NT5DC3: variants seen among roughly 807,000 people sequenced by gnomAD.
NT5DC3 encodes the protein 5'-nucleotidase domain containing 3.
NT5DC3 carries 42 observed loss-of-function variants against 67.8 expected under a neutral mutation model. The ratio of observed to expected loss-of-function variants is 0.62; its 90% confidence interval spans 0.48 to 0.80. NT5DC3 has a LOEUF of 0.80. Among genes scored for constraint, NT5DC3 ranks in the 30% least tolerant of loss-of-function variants. The pLI is 0.00. For synonymous variants in NT5DC3, 237 were observed against 255.6 expected, an observed-to-expected ratio of 0.93 and a Z score of 0.69; for missense variants, 570 against 696.4, an observed-to-expected ratio of 0.82 and a Z score of 2.04.
At chr12:103,764,172 C>T in the NT5DC3 span, among the ~76,000 whole-genome samples, 2 of 152,048 alleles carry the variant, frequency 1.3e-5, no homozygotes, top group Admixed American at 6.5e-5. Context: ...AGGCTGGTCT[C>T]GAACTCCCAA....
chr12:103,788,135 C>A (rs76823519), intron 10 of NT5DC3, among the ~76,000 whole-genome samples: 3,488 of 152,190 alleles, frequency 0.023, 137 homozygotes, highest in African/African-American at 0.079. Context: ...TCATATGACA[C>A]CAAAATATAT....
In NT5DC3 at chr12:103,788,805, A is replaced by C. The variant is rs565047580; in HGVS notation, c.1101+33T>G. ...AGCATTATTACCGACCACAAAGCAA[A>C]GCAACAAAAAGGATCAGCTGGTCAT... On this transcript the variant is annotated intron_variant, in intron 10 of 13. Transcript: ENST00000392876. The C allele has an allele frequency of 2.6e-5, 37 of 1,428,714 alleles. No individual in the cohort carries two copies. In the East Asian group the frequency reaches 7.7e-4, roughly 30 times the overall value. 88.5% of individuals were successfully genotyped at this position (1,428,714 alleles called of 1,614,324 possible). A position where few individuals can be genotyped will look rare whatever the true frequency, so the allele number is the denominator to read the frequency against.
At chr12:103,787,407 C>A in intron 11 of NT5DC3, 34 bp downstream of exon 11, 1 of 1,089,174 alleles carries the variant, frequency 9.2e-7, no homozygotes, top group Non-Finnish European at 1.3e-6. Context: ...ACTAACACAT[C>A]TGTCCCCCAA....
intron 10 of NT5DC3, among the ~76,000 whole-genome samples, chr12:103,788,560 C>T (rs1233382702): frequency 1.3e-5 from 2 of 152,018 alleles, no homozygotes; most frequent in Non-Finnish European, 2.9e-5. Context: ...AGAGAAATTT[C>T]CAAGGTTTAC....
chr12:103,790,439 C>T (rs1308322147), intron 9 of NT5DC3, among the ~76,000 whole-genome samples: 1 of 151,888 alleles, frequency 6.6e-6, no homozygotes, highest in East Asian at 1.9e-4. Flanking sequence ...CCATGACTGG[C>T]TAATTTTTGT....
rs555612838 is a variant in NT5DC3 at position 103,808,672 on chromosome 12, C to T, written c.394-1743G>A. On this transcript the variant is annotated intron_variant, in intron 2 of 13. Coordinates refer to ENST00000392876, the MANE Select transcript of NT5DC3 (RefSeq NM_001031701.3). ...CATGGGCGTTTCCAAGAATTGAGAACCCTGTGTATGGTCCTGCATTTTTGC... is the reference window on the plus strand; with the variant it reads ...CATGGGCGTTTCCAAGAATTGAGAATCCTGTGTATGGTCCTGCATTTTTGC... Among the ~76,000 whole-genome samples the T allele has an allele frequency of 1.4e-4, 21 of 152,312 alleles. No individual in the cohort carries two copies. In the South Asian group the frequency reaches 4.4e-3, roughly 32 times the overall value.
At chr12:103,778,600 T>C (rs1479287278) in intron 13 of NT5DC3, among the ~76,000 whole-genome samples, 6 of 151,924 alleles carry the variant, frequency 3.9e-5, no homozygotes, top group African/African-American at 1.5e-4. Flanking sequence ...ACTTGCGCCC[T>C]GGCCCACCAG....
chr12:103,781,129 C>T (rs1324121627), intron 12 of NT5DC3, among the ~76,000 whole-genome samples: 1 of 152,292 alleles, frequency 6.6e-6, no homozygotes, highest in East Asian at 1.9e-4. Flanking sequence ...AAGTCCCTCT[C>T]CAAGGTTCTT....
At chr12:103,749,872 A>AAAAAAAG in the NT5DC3 span, among the ~76,000 whole-genome samples, 7 of 131,478 alleles carry the variant, frequency 5.3e-5, no homozygotes, top group Admixed American at 1.6e-4. Flanking sequence ...AAAAAAAAAA[A>AAAAAAAG]GCTGGTAAGA....
At chr12:103,766,456 C>A, downstream of NT5DC3, 1 of 1,161,816 alleles carries the variant, frequency 8.6e-7, no homozygotes, top group Non-Finnish European at 1.2e-6. Flanking sequence ...AGCCATACCT[C>A]ATCTCTCTGG....
intron 1 of NT5DC3, among the ~76,000 whole-genome samples, chr12:103,817,855 CTTCT>C (rs1460337318): frequency 6.6e-6 from 1 of 152,188 alleles, no homozygotes; most frequent in African/African-American, 2.4e-5. Flanking sequence ...TTTCTACTCA[CTTCT>C]TTCTGACTAT....
chr12:103,780,144 T>G (rs920922526), intron 13 of NT5DC3, among the ~76,000 whole-genome samples, 156 bp downstream of exon 13: 1 of 152,196 alleles, frequency 6.6e-6, no homozygotes. Flanking sequence ...CAACAGCAGG[T>G]AGCTGATTCT....
chr12:103,832,594 T>C (rs1343462792), intron 1 of NT5DC3, among the ~76,000 whole-genome samples: 1 of 152,230 alleles, frequency 6.6e-6, no homozygotes, highest in Non-Finnish European at 1.5e-5. Flanking sequence ...AAATGAACTC[T>C]AGCTTTCAAC....
chr12:103,818,197 T>C (rs1347149515), intron 1 of NT5DC3, among the ~76,000 whole-genome samples: 1 of 152,204 alleles, frequency 6.6e-6, no homozygotes, highest in Non-Finnish European at 1.5e-5. Flanking sequence ...CAAGCCTTTA[T>C]ATCCCTACAC....
At chr12:103,834,251 T>G (rs1409008701) in intron 1 of NT5DC3, among the ~76,000 whole-genome samples, 1 of 151,940 alleles carries the variant, frequency 6.6e-6, no homozygotes, top group African/African-American at 2.4e-5. Flanking sequence ...TTATTTCTTT[T>G]CCTAAAAATA....
intron 1 of NT5DC3, among the ~76,000 whole-genome samples, chr12:103,835,580 A>T (rs1328910609): frequency 6.6e-6 from 1 of 152,200 alleles, no homozygotes; most frequent in Non-Finnish European, 1.5e-5. Flanking sequence ...AGAGCTAAAT[A>T]ACCCACCTCC....
chr12:103,807,836 T>A (rs1000156036), intron 2 of NT5DC3, among the ~76,000 whole-genome samples: 3 of 152,186 alleles, frequency 2.0e-5, no homozygotes, highest in African/African-American at 7.2e-5. Flanking sequence ...GTTCTCATTC[T>A]CTCTCTTGCC....
At chr12:103,817,898 T>C (rs1887331681) in intron 1 of NT5DC3, among the ~76,000 whole-genome samples, 1 of 152,246 alleles carries the variant, frequency 6.6e-6, no homozygotes, top group East Asian at 1.9e-4. Context: ...TCATTCACTC[T>C]AAAAAGCCAC....
intron 13 of NT5DC3, 106 bp from the exon 14 acceptor site, chr12:103,778,187 ACTCATTTG>A: frequency 1.7e-6 from 2 of 1,187,170 alleles, no homozygotes; most frequent in Non-Finnish European, 1.2e-6. Context: ...AAAAAATAGG[ACTCATTTG>A]AGAAACATGT....
Sources: gnomAD v4.1 joint callset for allele counts (sites outside exome capture counted in the v4.1 genomes callset) on GRCh38, gnomAD v4.1.1 for gene constraint, MANE v1.5 for transcripts, NCBI Gene and HGNC (gene_info 2026-07-23, HGNC 2026-07-21) for gene names.